DNAL1: variants seen among roughly 807,000 people sequenced by gnomAD.
DNAL1 encodes the protein dynein axonemal light chain 1.
DNAL1 carries 17 observed loss-of-function variants against 29.4 expected under a neutral mutation model. That is an observed-to-expected ratio of 0.58 (90% CI 0.40 to 0.87). The LOEUF (loss-of-function observed/expected upper bound fraction) is 0.87, where lower values mean the gene tolerates loss of function less well. DNAL1 is among the 40% of genes least tolerant of loss of function. The pLI is 0.00. For missense variants in DNAL1, 188 were observed against 214.1 expected, an observed-to-expected ratio of 0.88 and a Z score of 0.76; for synonymous variants, 78 against 76.3, an observed-to-expected ratio of 1.02 and a Z score of -0.12.
At chr14:73,677,864 TTATA>T (rs35545274) in intron 5 of DNAL1, among the ~76,000 whole-genome samples, 1 of 130,820 alleles carries the variant, frequency 7.6e-6, no homozygotes. Context: ...GCCCATATAT[TTATA>T]TATATATATA....
rs1333101946 is a variant in DNAL1, at chr14:73,699,412, TC to T, written c.*3471del. On this transcript the variant is annotated 3_prime_UTR_variant, in exon 8 of 8. Coordinates refer to ENST00000553645, the MANE Select transcript of DNAL1 (RefSeq NM_031427.4). Reference sequence around the variant, plus strand: ...CCTCCGTCTCCCGGGTTCAAGCAATTCTTCTGCCTCCGCCTCCCAAGTAGCT... The same window carrying T: ...CCTCCGTCTCCCGGGTTCAAGCAATTTTCTGCCTCCGCCTCCCAAGTAGCT... 1 of 152,058 alleles carries T rather than the reference TC, an allele frequency of 6.6e-6. No individual in the cohort carries two copies. The highest frequency in any genetic ancestry group is 1.5e-5 in the Non-Finnish European group (1 of 68,042). 9.4% of individuals were successfully genotyped at this position (152,058 alleles called of 1,614,324 possible). A position where few individuals can be genotyped will look rare whatever the true frequency, so the allele number is the denominator to read the frequency against.
rs889861616 is a variant in DNAL1, at chr14:73,677,718, G to A, written c.264+6121G>A. 2.7e-5 allele frequency among the ~76,000 whole-genome samples: 4 copies of A among 149,714 alleles called. No individual in the cohort carries two copies. The East Asian group carries it at 5.9e-4, about 22-fold the overall frequency. ...ACTACAGGCGCCCGCCACCACGCCC[G>A]GCTAATTTTTTGTATTTTTTAGTAG... is the stretch of plus-strand genomic sequence containing the variant. On this transcript the variant is annotated intron_variant, in intron 5 of 7. Transcript: ENST00000553645.
At chr14:73,649,315 C>T (rs1310999273) in intron 1 of DNAL1, among the ~76,000 whole-genome samples, 3 of 150,380 alleles carry the variant, frequency 2.0e-5, no homozygotes, top group Non-Finnish European at 4.4e-5. Flanking sequence ...CGGAGTCTCG[C>T]TCTGTCGCCA....
chr14:73,678,511 CTTT>C (rs11379191), intron 5 of DNAL1, among the ~76,000 whole-genome samples: 6 of 118,176 alleles, frequency 5.1e-5, no homozygotes, highest in Admixed American at 8.9e-5. Flanking sequence ...AGCAGGTATT[CTTT>C]TTTTTTTTTT....
intron 5 of DNAL1, among the ~76,000 whole-genome samples, chr14:73,680,696 A>G (rs1248004199): frequency 6.6e-6 from 1 of 152,240 alleles, no homozygotes; most frequent in East Asian, 1.9e-4. Context: ...ACAGTCATGC[A>G]TCACATAATG....
rs71112798 is a variant in DNAL1, at chr14:73,695,048, C to CTTTTTTTT, written c.533-836_533-829dup. Among the ~76,000 whole-genome samples, 23 of 60,886 alleles carry CTTTTTTTT rather than the reference C, an allele frequency of 3.8e-4. 2 individuals carry two copies. Among genetic ancestry groups the CTTTTTTTT allele is most frequent in the Non-Finnish European group, 4.8e-4 (17 of 35,110 alleles). 39.9% of individuals were successfully genotyped at this position (60,886 alleles called of 152,430 possible). A position where few individuals can be genotyped will look rare whatever the true frequency, so the allele number is the denominator to read the frequency against. ...TATTTTTCTACTTGGTACTTGTTGG[C>CTTTTTTTT]TTTTTTTTTTTTTTTTTTTTTTTTT... is the stretch of plus-strand genomic sequence containing the variant. On this transcript the variant is annotated intron_variant, in intron 7 of 7. Transcript: ENST00000553645.
At chr14:73,673,918 T>C (rs975029184) in intron 5 of DNAL1, among the ~76,000 whole-genome samples, 4 of 150,064 alleles carry the variant, frequency 2.7e-5, no homozygotes, top group Admixed American at 6.7e-5. Context: ...GAAAGCTGCA[T>C]TGGGATGCAG....
chr14:73,653,487 G>T (rs375355115), intron 1 of DNAL1, among the ~76,000 whole-genome samples: 2 of 152,006 alleles, frequency 1.3e-5, no homozygotes, highest in East Asian at 1.9e-4. Context: ...AAATAGCTAG[G>T]ACTATAGGCA....
At chr14:73,645,140 C>T in intron 1 of DNAL1, 98 bp downstream of exon 1, 1 of 1,546,726 alleles carries the variant, frequency 6.5e-7, no homozygotes, top group Non-Finnish European at 8.8e-7. Flanking sequence ...CCTTGAACAG[C>T]GGAAGGGAGC....
intron 2 of DNAL1, among the ~76,000 whole-genome samples, chr14:73,655,950 C>T (rs1473196947): frequency 2.0e-5 from 3 of 152,160 alleles, no homozygotes; most frequent in Non-Finnish European, 2.9e-5. Flanking sequence ...GCATTATAGA[C>T]AGAATTTCTA....
In DNAL1 at chr14:73,695,546, T is replaced by C. The variant is rs980548789; in HGVS notation, c.533-356T>C. Among the ~76,000 whole-genome samples, 4 of 152,270 alleles carry C rather than the reference T, an allele frequency of 2.6e-5. No individual in the cohort carries two copies. In the East Asian group the frequency reaches 7.7e-4, roughly 29 times the overall value. On this transcript the variant is annotated intron_variant, in intron 7 of 7. Coordinates refer to ENST00000553645, the MANE Select transcript of DNAL1 (RefSeq NM_031427.4). The stretch of plus-strand genomic sequence containing the variant: ...GAGCTTCTCAGGTTTTTCTTTTTTC[T>C]GAGATGGAGTTTTGCTCTTGTCACC...
intron 7 of DNAL1, among the ~76,000 whole-genome samples, chr14:73,689,998 T>C (rs938106862): frequency 4.1e-5 from 6 of 146,170 alleles, no homozygotes; most frequent in African/African-American, 1.5e-4. Flanking sequence ...ATTGTGCCAT[T>C]GCACTCCAGC....
At chr14:73,647,398 A>G (rs1891006506) in intron 1 of DNAL1, among the ~76,000 whole-genome samples, 1 of 143,620 alleles carries the variant, frequency 7.0e-6, no homozygotes, top group Admixed American at 6.7e-5. Context: ...GAAAAAGAAA[A>G]AGAAATATGT....
chr14:73,685,460 ATTTTT>A (rs200537222), intron 5 of DNAL1, among the ~76,000 whole-genome samples: 1 of 139,600 alleles, frequency 7.2e-6, no homozygotes, highest in Non-Finnish European at 1.6e-5. Flanking sequence ...TTTCTGCTTA[ATTTTT>A]TTTTTTTTTT....
intron 7 of DNAL1, among the ~76,000 whole-genome samples, chr14:73,692,489 G>A (rs542519319): frequency 1.3e-4 from 19 of 151,306 alleles, no homozygotes; most frequent in East Asian, 5.9e-4. Flanking sequence ...GAGAAACCCC[G>A]TCTCTACTAA....
chr14:73,690,042 AAAAAAAAAAG>A (rs1229949534), intron 7 of DNAL1, among the ~76,000 whole-genome samples: 6 of 111,198 alleles, frequency 5.4e-5, no homozygotes, highest in African/African-American at 7.5e-5. Context: ...CGTCTCAAAA[AAAAAAAAAAG>A]AAAAGAAAAG....
At position 73,696,063 on chromosome 14, in the gene DNAL1, T is replaced by G; in HGVS notation, c.*121T>G. 1 of 891,104 alleles carries G rather than the reference T, an allele frequency of 1.1e-6. No individual in the cohort carries two copies. 55.2% of individuals were successfully genotyped at this position (891,104 alleles called of 1,614,324 possible). On this transcript the variant is annotated 3_prime_UTR_variant, in exon 8 of 8. Transcript: ENST00000553645. ...CAAAAGTTTCTTAAGATAAAACAGA[T>G]CACTCATTCTCATCTTTTTTTTTCC...
At chr14:73,680,419 A>G (rs530000933) in intron 5 of DNAL1, among the ~76,000 whole-genome samples, 1 of 152,326 alleles carries the variant, frequency 6.6e-6, no homozygotes, top group South Asian at 2.1e-4. Context: ...GAGAAGACGT[A>G]TTCATATTTT....
At chr14:73,665,786 T>C (rs2140037256) in intron 4 of DNAL1, among the ~76,000 whole-genome samples, 1 of 147,824 alleles carries the variant, frequency 6.8e-6, no homozygotes, top group African/African-American at 2.5e-5. Flanking sequence ...GTGAGACTCA[T>C]CTCAAAAAAA....
Sources: allele counts gnomAD v4.1 joint callset (sites outside exome capture counted in the v4.1 genomes callset), GRCh38; gene constraint gnomAD v4.1.1; transcripts MANE v1.5; gene names NCBI Gene and HGNC (gene_info 2026-07-23, HGNC 2026-07-21).